MGAT5: variants seen among roughly 807,000 people sequenced by gnomAD.
MGAT5 encodes the protein alpha-1,6-mannosylglycoprotein 6-beta-N-acetylglucosaminyltransferase.
MGAT5 carries 30 observed loss-of-function variants against 94.3 expected under a neutral mutation model. That is an observed-to-expected ratio of 0.32 (90% CI 0.24 to 0.43). MGAT5 has a LOEUF of 0.43. Among genes scored for constraint, MGAT5 ranks in the 20% least tolerant of loss-of-function variants. The pLI, the probability that MGAT5 is intolerant of heterozygous loss-of-function variation, is 1.00. For missense variants in MGAT5, 691 were observed against 905.5 expected (o/e 0.76, Z 3.04); for synonymous variants, 310 against 322.9 (o/e 0.96, Z 0.43).
At chr2:134,334,241 T>C (rs1278713497) in intron 4 of MGAT5, among the ~76,000 whole-genome samples, 11 of 152,134 alleles carry the variant, frequency 7.2e-5, no homozygotes, top group Admixed American at 7.2e-4. Context: ...AGTCATCTTT[T>C]TAAAAATCAC....
chr2:134,374,315 C>T (rs989624042), intron 10 of MGAT5, among the ~76,000 whole-genome samples: 11 of 152,084 alleles, frequency 7.2e-5, no homozygotes, highest in Admixed American at 4.6e-4. Context: ...TTTTGATAGA[C>T]GTGAAAATCA....
Position 134,254,295 on chromosome 2 carries a change from A to G in MGAT5, c.-109A>G. 1 of 1,402,644 alleles carries G rather than the reference A, an allele frequency of 7.1e-7. No homozygotes were observed. The highest frequency in any genetic ancestry group is 9.7e-7 in the Non-Finnish European group (1 of 1,033,074). The allele number at this position is 1,402,644 out of a possible 1,614,324, so 86.9% of individuals were successfully genotyped here. ...AAGTGAGGAAAGGCAACCAGCTGAC[A>G]CAGGAGCCAGAGTGAGACCAGCAGA... On this transcript the variant is annotated 5_prime_UTR_variant, in exon 1 of 16. Coordinates refer to ENST00000281923, the MANE Select transcript of MGAT5 (RefSeq NM_002410.5).
rs548903979 is a variant in MGAT5 at position 134,425,689 on chromosome 2, G to A, written c.1795-2676G>A. On this transcript the variant is annotated intron_variant, in intron 13 of 15. Transcript: ENST00000281923. ...CCATGGAGGGCTTCTCATGGAGGCT[G>A]ATCTCTAAAAGCAATTGCCTGTAGA... Among the ~76,000 whole-genome samples, 22 of 152,230 alleles carry A rather than the reference G, an allele frequency of 1.4e-4. No homozygotes were observed. In the East Asian group the frequency reaches 4.3e-3, roughly 30 times the overall value.
chr2:134,425,719 G>C (rs570261144), intron 13 of MGAT5, among the ~76,000 whole-genome samples: 31 of 152,186 alleles, frequency 2.0e-4, no homozygotes, highest in Admixed American at 8.5e-4. Flanking sequence ...TGTAGAAGTT[G>C]TCCCTGACTT....
intron 10 of MGAT5, among the ~76,000 whole-genome samples, chr2:134,401,918 C>A (rs73960903): frequency 6.6e-6 from 1 of 152,106 alleles, no homozygotes; most frequent in Admixed American, 6.5e-5. Context: ...TGGCAGAGAC[C>A]AGATCATGAA....
At chr2:134,224,118 A>G (rs1680932059) in intron 1 of MGAT5, among the ~76,000 whole-genome samples, 1 of 152,216 alleles carries the variant, frequency 6.6e-6, no homozygotes, top group African/African-American at 2.4e-5. Context: ...GGTTTGAGCA[A>G]TGCTCGTCAT....
chr2:134,208,980 G>C (rs1020749638), intron 1 of MGAT5, among the ~76,000 whole-genome samples: 1 of 152,152 alleles, frequency 6.6e-6, no homozygotes, highest in Non-Finnish European at 1.5e-5. Context: ...GGGTTTCCTG[G>C]TGTTCTGTTA....
intron 11 of MGAT5, among the ~76,000 whole-genome samples, chr2:134,410,934 G>C (rs1439114): frequency 0.12 from 18,048 of 152,158 alleles, 1,365 homozygotes; most frequent in Middle Eastern, 0.21. Context: ...GCCCAACCAC[G>C]GCCTGACAGA....
At position 134,145,214 on chromosome 2, in the gene MGAT5, C is replaced by CTCTCTCTCTG. The variant is rs373377770; in HGVS notation, c.-143+24924_-143+24925insCTCTCTCTGT. 1.2e-4 allele frequency among the ~76,000 whole-genome samples: 17 copies of CTCTCTCTCTG among 143,868 alleles called. No individual in the cohort carries two copies. The East Asian group carries it at 3.5e-3, about 29-fold the overall frequency. 94.4% of individuals were successfully genotyped at this position (143,868 alleles called of 152,430 possible). On this transcript the variant is annotated intron_variant, in intron 1 of 16. Coordinates refer to the MGAT5 transcript ENST00000409645. Reference sequence around the variant, plus strand: ...GTAAGGTGTGTGTGTGTCTCTCTCTCTGTGTGTGTGTGTGTGTGTGTGTGT... The same window carrying CTCTCTCTCTG: ...GTAAGGTGTGTGTGTGTCTCTCTCTCTCTCTCTCTGTGTGTGTGTGTGTGTGTGTGTGTGT...
chr2:134,271,631 G>A (rs866875575), intron 2 of MGAT5, among the ~76,000 whole-genome samples: 8 of 152,126 alleles, frequency 5.3e-5, no homozygotes, highest in African/African-American at 1.9e-4. Context: ...CAAGGTGGTT[G>A]TTATTACCTT....
chr2:134,415,796 T>C (rs1405706814), intron 12 of MGAT5, among the ~76,000 whole-genome samples: 2 of 152,192 alleles, frequency 1.3e-5, no homozygotes, highest in African/African-American at 2.4e-5. Flanking sequence ...TTTTTATAGA[T>C]AGTGTGAGAT....
At chr2:134,373,558 A>G (rs1489610751) in intron 10 of MGAT5, among the ~76,000 whole-genome samples, 1 of 152,208 alleles carries the variant, frequency 6.6e-6, no homozygotes, top group Non-Finnish European at 1.5e-5. Context: ...CTTGTAGGAA[A>G]ACAGAGTTTG....
chr2:134,349,661 A>C, intron 8 of MGAT5, 144 bp from the exon 9 acceptor site: 4 of 879,856 alleles, frequency 4.5e-6, no homozygotes, highest in Non-Finnish European at 6.8e-6. Flanking sequence ...AGCTATTGTA[A>C]AACATCACAA....
intron 5 of MGAT5, among the ~76,000 whole-genome samples, chr2:134,337,338 G>A (rs1350719911): frequency 6.6e-6 from 1 of 152,290 alleles, no homozygotes; most frequent in South Asian, 2.1e-4. Context: ...AGCTGAGCGT[G>A]GTGGCGAGTG....
At chr2:134,180,175 C>T (rs1688668505) in intron 1 of MGAT5, among the ~76,000 whole-genome samples, 4 of 152,202 alleles carry the variant, frequency 2.6e-5, no homozygotes, top group Admixed American at 2.6e-4. Context: ...TAAGTATACT[C>T]AGTCCAGCAG....
intron 10 of MGAT5, among the ~76,000 whole-genome samples, chr2:134,398,299 A>G (rs75832472): frequency 0.011 from 1,747 of 152,154 alleles, 31 homozygotes; most frequent in African/African-American, 0.04. Flanking sequence ...TCTGCCCTCC[A>G]TGGAGTGGGA....
At chr2:134,299,760 C>A (rs1685906633) in intron 2 of MGAT5, among the ~76,000 whole-genome samples, 1 of 152,140 alleles carries the variant, frequency 6.6e-6, no homozygotes, top group African/African-American at 2.4e-5. Flanking sequence ...CATTTCAAAG[C>A]TGGTTTCCTT....
At chr2:134,445,025 A>T (rs1424698497) in intron 15 of MGAT5, among the ~76,000 whole-genome samples, 1 of 152,212 alleles carries the variant, frequency 6.6e-6, no homozygotes, top group Non-Finnish European at 1.5e-5. Flanking sequence ...ACACAGGAAC[A>T]TGTGTTCCTG....
At chr2:134,400,808 C>T (rs1325866374) in intron 10 of MGAT5, among the ~76,000 whole-genome samples, 1 of 152,188 alleles carries the variant, frequency 6.6e-6, no homozygotes, top group Non-Finnish European at 1.5e-5. Flanking sequence ...ACCTGCACCG[C>T]CCATCTCCTG....
Sources: gnomAD v4.1 joint callset for allele counts (sites outside exome capture counted in the v4.1 genomes callset) on GRCh38, gnomAD v4.1.1 for gene constraint, MANE v1.5 for transcripts, NCBI Gene and HGNC (gene_info 2026-07-23, HGNC 2026-07-21) for gene names.